C5orf24: variants seen among roughly 807,000 people sequenced by gnomAD.
The protein encoded by C5orf24 is chromosome 5 open reading frame 24.
A neutral mutation model predicts 9.8 loss-of-function variants in C5orf24; 4 were observed. The observed-to-expected ratio is 0.41, with a 90% confidence interval of 0.20 to 0.93. The LOEUF (loss-of-function observed/expected upper bound fraction) is 0.93, where lower values mean the gene tolerates loss of function less well. Among genes scored for constraint, C5orf24 ranks in the 40% least tolerant of loss-of-function variants. C5orf24 has a pLI of 0.33. For missense variants in C5orf24, 170 were observed against 236.9 expected, an observed-to-expected ratio of 0.72 and a Z score of 1.85; for synonymous variants, 73 against 81.3, an observed-to-expected ratio of 0.90 and a Z score of 0.55.
At chr5:134,843,190 T>C (rs1025530873), upstream of C5orf24, among the ~76,000 whole-genome samples, 4 of 152,122 alleles carry the variant, frequency 2.6e-5, no homozygotes, top group African/African-American at 7.2e-5. Flanking sequence ...TTGGCCAGGC[T>C]GTTCTGGAAC....
rs1266595413 is a variant in C5orf24, at chr5:134,857,295, G to T, written c.*1828G>T. 2 of 1,484,056 alleles carry T rather than the reference G, an allele frequency of 1.3e-6. No individual in the cohort carries two copies. The highest frequency in any genetic ancestry group is 1.8e-6 in the Non-Finnish European group (2 of 1,107,466). The allele number at this position is 1,484,056 out of a possible 1,614,324, so 91.9% of individuals were successfully genotyped here. A position where few individuals can be genotyped will look rare whatever the true frequency, so the allele number is the denominator to read the frequency against. On this transcript the variant is annotated 3_prime_UTR_variant, in exon 2 of 2. Coordinates refer to ENST00000394976, the MANE Select transcript of C5orf24 (RefSeq NM_001135586.1). ...AAAGAGCACATGTTGTGTTTTTTGG[G>T]CTTGCTATTAATGCAAACTCTGATT...
Position 134,855,457 on chromosome 5 carries a change from C to A in C5orf24, c.557C>A (p.Pro186His). 6.2e-7 allele frequency: 1 copy of A among 1,614,082 alleles called. No homozygotes were observed. The highest frequency in any genetic ancestry group is 1.1e-5 in the South Asian group (1 of 91,062). The change falls in exon 2 of 2, where the codon CCC (proline) becomes CAC (histidine). Residue 186 changes from proline (P) to histidine (H), a missense_variant. Coordinates refer to ENST00000394976, the MANE Select transcript of C5orf24 (RefSeq NM_001135586.1). ...GAAACTAGCAGTGAAGTCAAACCAC[C>A]CAATGAGTGAATGAGGCAGGAAAAG... ...VEETSSEVKPPNE is the reference protein window; with the variant it reads ...VEETSSEVKPHNE
chr5:134,857,048 G>A lies in C5orf24; in HGVS notation c.*1581G>A. 1.8e-6 allele frequency: 2 copies of A among 1,087,230 alleles called. No homozygotes were observed. The highest frequency in any genetic ancestry group is 2.3e-6 in the Non-Finnish European group (2 of 883,526). 67.3% of individuals were successfully genotyped at this position (1,087,230 alleles called of 1,614,324 possible). On this transcript the variant is annotated 3_prime_UTR_variant, in exon 2 of 2. Coordinates refer to ENST00000394976, the MANE Select transcript of C5orf24 (RefSeq NM_001135586.1). ...AAGTATTAGGTAGATATGTATAGTA[G>A]GGACAGAGGGAAATCTTTCTTCTTT...
Position 134,857,593 on chromosome 5 carries a change from C to G in C5orf24, c.*2126C>G, listed in dbSNP as rs1756347977. On this transcript the variant is annotated 3_prime_UTR_variant, in exon 2 of 2. Coordinates refer to ENST00000394976, the MANE Select transcript of C5orf24 (RefSeq NM_001135586.1). ...AAATTGCTACAAGAGCTTTTTCTTG[C>G]AAAAGCTTAAAATACAAGATTTTTA... 1.6e-6 allele frequency: 1 copy of G among 606,846 alleles called. No individual in the cohort carries two copies. The highest frequency in any genetic ancestry group is 2.5e-6 in the Non-Finnish European group (1 of 395,006). 37.6% of individuals were successfully genotyped at this position (606,846 alleles called of 1,614,324 possible).
the C5orf24 span, among the ~76,000 whole-genome samples, chr5:134,836,121 CATTT>C: frequency 1.4e-5 from 2 of 146,968 alleles, no homozygotes; most frequent in South Asian, 2.2e-4. Flanking sequence ...AGCCTATACT[CATTT>C]ATTTATTTTT....
At chr5:134,846,375 T>TGGAGCCATTACGG (rs1755994604) in intron 1 of C5orf24, 163 bp downstream of exon 1, 1 of 152,194 alleles carries the variant, frequency 6.6e-6, no homozygotes, top group Non-Finnish European at 1.5e-5. Flanking sequence ...TTCCCCGGTG[T>TGGAGCCATTACGG]GGAGCCATTA....
At chr5:134,849,556 G>A (rs1234606949) in intron 1 of C5orf24, among the ~76,000 whole-genome samples, 1 of 147,650 alleles carries the variant, frequency 6.8e-6, no homozygotes, top group African/African-American at 2.5e-5. Flanking sequence ...TAATTATTAA[G>A]TAGAATACTG....
rs1449818832 is a variant in C5orf24, at chr5:134,859,358, CTT to C, written c.*3893_*3894del. 1.2e-5 allele frequency: 2 copies of C among 166,894 alleles called. No individual in the cohort carries two copies. The highest frequency in any genetic ancestry group is 4.8e-5 in the African/African-American group (2 of 41,436). The allele number at this position is 166,894 out of a possible 1,614,324, so 10.3% of individuals were successfully genotyped here. On this transcript the variant is annotated 3_prime_UTR_variant, in exon 2 of 2. Transcript: ENST00000394976. Reference sequence around the variant, plus strand: ...GTTAAACTCTAGGATGTATCTGAATCTTTCCTTTTTTCCCCCCTCCTCCAAAT... The same window carrying C: ...GTTAAACTCTAGGATGTATCTGAATCTCCTTTTTTCCCCCCTCCTCCAAAT...
At chr5:134,839,085 C>T in the C5orf24 span, among the ~76,000 whole-genome samples, 1 of 151,762 alleles carries the variant, frequency 6.6e-6, no homozygotes, top group Non-Finnish European at 1.5e-5. Flanking sequence ...TCCATAGTCC[C>T]AGATACTTGG....
the C5orf24 span, among the ~76,000 whole-genome samples, chr5:134,835,462 T>G: frequency 6.6e-6 from 1 of 152,010 alleles, no homozygotes; most frequent in Non-Finnish European, 1.5e-5. Flanking sequence ...CTGGCCAACA[T>G]GGTGAAACCC....
chr5:134,845,859 C>G (rs1028863267), upstream of C5orf24: 1 of 152,352 alleles, frequency 6.6e-6, no homozygotes. Flanking sequence ...GCCTGCCAGC[C>G]TGGCTCCCTC....
upstream of C5orf24, among the ~76,000 whole-genome samples, chr5:134,841,073 G>A (rs889859862): frequency 6.6e-6 from 1 of 152,114 alleles, no homozygotes; most frequent in Admixed American, 6.6e-5. Context: ...TTACTTCCAA[G>A]AAGCCAGCAG....
upstream of C5orf24, among the ~76,000 whole-genome samples, chr5:134,841,189 A>G (rs1318463121): frequency 3.3e-5 from 5 of 152,172 alleles, no homozygotes; most frequent in Admixed American, 1.3e-4. Flanking sequence ...TATTTCTTCA[A>G]TTCTCTCTTA....
upstream of C5orf24, among the ~76,000 whole-genome samples, chr5:134,843,954 G>C (rs1322877193): frequency 6.6e-6 from 1 of 152,218 alleles, no homozygotes; most frequent in African/African-American, 2.4e-5. Flanking sequence ...TTTTGGTGGA[G>C]CAATGACTTG....
the C5orf24 span, among the ~76,000 whole-genome samples, chr5:134,833,886 T>A: frequency 1.3e-5 from 2 of 152,326 alleles, no homozygotes; most frequent in African/African-American, 4.8e-5. Flanking sequence ...CTTGAACTTG[T>A]TCTCTTCCAA....
chr5:134,843,430 TTC>T (rs1755929374), upstream of C5orf24, among the ~76,000 whole-genome samples: 5 of 152,220 alleles, frequency 3.3e-5, no homozygotes, highest in Admixed American at 3.3e-4. Flanking sequence ...GGTGAATATT[TTC>T]TTTTTTCTTT....
At chr5:134,840,326 AAG>A in the C5orf24 span, among the ~76,000 whole-genome samples, 3 of 150,778 alleles carry the variant, frequency 2.0e-5, no homozygotes, top group East Asian at 1.9e-4. Flanking sequence ...AAAAAAAAAA[AAG>A]AACAGGGAAG....
At chr5:134,852,779 A>G (rs147691750) in intron 1 of C5orf24, among the ~76,000 whole-genome samples, 1,888 of 152,132 alleles carry the variant, frequency 0.012, 39 homozygotes, top group African/African-American at 0.043. Flanking sequence ...GCTCACGCCT[A>G]TAATCCCAGC....
intron 1 of C5orf24, among the ~76,000 whole-genome samples, chr5:134,852,003 C>T (rs769325964): frequency 1.3e-5 from 2 of 152,230 alleles, no homozygotes; most frequent in Non-Finnish European, 2.9e-5. Context: ...TGCAGTGGCA[C>T]GATCTCAGCT....
Sources: allele counts gnomAD v4.1 joint callset (sites outside exome capture counted in the v4.1 genomes callset), GRCh38; gene constraint gnomAD v4.1.1; transcripts MANE v1.5; gene names NCBI Gene and HGNC (gene_info 2026-07-23, HGNC 2026-07-21).